Variants in SELPLG observed in about 807,000 individuals in gnomAD.
SELPLG encodes P-selectin glycoprotein ligand 1.
SELPLG carries 2 observed loss-of-function variants against 1.1 expected under a neutral mutation model. That is an observed-to-expected ratio of 1.82 (90% CI 0.74 to 5.71). SELPLG has a LOEUF of 5.71. Ranked by LOEUF, SELPLG falls within the 30% of genes most tolerant of loss-of-function variation. The pLI, the probability that SELPLG is intolerant of heterozygous loss-of-function variation, is 0.05. For missense variants in SELPLG, 478 were observed against 524.7 expected (o/e 0.91, Z 0.87); for synonymous variants, 230 against 221.2 (o/e 1.04, Z -0.35).
At position 108,632,602 on chromosome 12, in the gene SELPLG, C is replaced by G. The variant is rs1004314792; in HGVS notation, c.-6+1138G>C. Reference sequence around the variant, plus strand: ...CAATCTCGGCTTACTGCGACCTCCCCCTCCCAGGTTCAAGTGATCCTCCCA... The same window carrying G: ...CAATCTCGGCTTACTGCGACCTCCCGCTCCCAGGTTCAAGTGATCCTCCCA... On this transcript the variant is annotated intron_variant, in intron 1 of 1. Transcript: ENST00000550948. 2.0e-5 allele frequency among the ~76,000 whole-genome samples: 3 copies of G among 151,966 alleles called. No individual in the cohort carries two copies. In the East Asian group the frequency reaches 5.8e-4, roughly 29 times the overall value.
intron 1 of SELPLG, 66 bp downstream of exon 1, chr12:108,633,674 T>C (rs1205924650): frequency 6.6e-6 from 1 of 152,270 alleles, no homozygotes; most frequent in Non-Finnish European, 1.5e-5. Context: ...CCAGCAGCTA[T>C]AAGGCAGGCC....
At chr12:108,631,236 C>T (rs1471006007) in intron 1 of SELPLG, among the ~76,000 whole-genome samples, 4 of 152,206 alleles carry the variant, frequency 2.6e-5, no homozygotes, top group Admixed American at 6.5e-5. Flanking sequence ...TTTTTTCCCA[C>T]TTATCATCGC....
chr12:108,622,870 G>T lies in SELPLG; in HGVS notation c.*199C>A. ...GGGCTTCATCCGCGGAGGGAGGAAAGAGGTGGCTCCACTTGCCCGTCTGCT... is the reference window on the plus strand; with the variant it reads ...GGGCTTCATCCGCGGAGGGAGGAAATAGGTGGCTCCACTTGCCCGTCTGCT... On this transcript the variant is annotated 3_prime_UTR_variant, in exon 2 of 2. Transcript: ENST00000550948. 1 of 516,538 alleles carries T rather than the reference G, an allele frequency of 1.9e-6. No individual in the cohort carries two copies. The highest frequency in any genetic ancestry group is 3.3e-6 in the Non-Finnish European group (1 of 300,882). The allele number at this position is 516,538 out of a possible 1,614,324, so 32.0% of individuals were successfully genotyped here. A position where few individuals can be genotyped will look rare whatever the true frequency, so the allele number is the denominator to read the frequency against.
intron 1 of SELPLG, among the ~76,000 whole-genome samples, chr12:108,629,088 A>T (rs8179126): frequency 0.011 from 1,693 of 152,306 alleles, 33 homozygotes; most frequent in African/African-American, 0.037. Context: ...CTCAGAGGGT[A>T]TGGAGATGGC....
At chr12:108,624,979 C>T (rs763799933) in intron 1 of SELPLG, among the ~76,000 whole-genome samples, 3 of 151,960 alleles carry the variant, frequency 2.0e-5, no homozygotes, top group Admixed American at 6.6e-5. Context: ...TGAGCCACTG[C>T]GCCCGACCTC....
chr12:108,622,673 G>A lies in SELPLG; in HGVS notation c.*396C>T, dbSNP rs1209151659. ...ATGGCAGTGCAGTGCGTGTGGGATG[G>A]GGGAGCTCCATCTTCCTTGGGTACA... On this transcript the variant is annotated 3_prime_UTR_variant, in exon 2 of 2. Transcript: ENST00000550948. 1 of 197,172 alleles carries A rather than the reference G, an allele frequency of 5.1e-6. No homozygotes were observed. The highest frequency in any genetic ancestry group is 1.2e-4 in the East Asian group (1 of 8,054). The allele number at this position is 197,172 out of a possible 1,614,324, so 12.2% of individuals were successfully genotyped here. A position where few individuals can be genotyped will look rare whatever the true frequency, so the allele number is the denominator to read the frequency against.
rs1309497596 is a variant in SELPLG, at chr12:108,622,298, G to A, written c.*771C>T. 2 of 152,218 alleles carry A rather than the reference G, an allele frequency of 1.3e-5. No individual in the cohort carries two copies. The highest frequency in any genetic ancestry group is 2.1e-4 in the South Asian group (1 of 4,834). 9.4% of individuals were successfully genotyped at this position (152,218 alleles called of 1,614,324 possible). On this transcript the variant is annotated 3_prime_UTR_variant, in exon 2 of 2. Coordinates refer to ENST00000550948, the MANE Select transcript of SELPLG (RefSeq NM_003006.4). ...ATCGTTTGTCCATCACATATTTATT[G>A]CCTGCACTGGACCTGCAGTTGGGAT...
At position 108,624,274 on chromosome 12, in the gene SELPLG, G is replaced by T. The variant is rs1477237895; in HGVS notation, c.34C>A (p.Leu12Met). The T allele has an allele frequency of 6.2e-6, 10 of 1,614,158 alleles. No individual in the cohort carries two copies. Among genetic ancestry groups the T allele is most frequent in the Non-Finnish European group, 8.5e-6 (10 of 1,179,996 alleles). ...PLQLLLLLIL[L>M]GPGNSLQLWD... ...AGCTGCAAGCTGTTGCCAGGGCCCAGTAGGATCAGCAACAGGAGGAGTTGC... is the reference window on the plus strand; with the variant it reads ...AGCTGCAAGCTGTTGCCAGGGCCCATTAGGATCAGCAACAGGAGGAGTTGC... Residue 12 changes from leucine to methionine, a missense_variant, in exon 2 of 2, where the codon CTG becomes ATG. Leu to Met is a conservative substitution (Grantham distance 15). Transcript: ENST00000550948.
chr12:108,623,104 CCTCACGGTCCTCCCTGGGCT>C lies in SELPLG; in HGVS notation c.1184_1203del (p.Glu395GlyfsTer3). On this transcript the variant is annotated frameshift_variant, in exon 2 of 2. Coordinates refer to ENST00000550948, the MANE Select transcript of SELPLG (RefSeq NM_003006.4). LOFTEE classifies it high-confidence loss of function. ...AAGCTGTGCAGGGTGAGGTCATCCC[CCTCACGGTCCTCCCTGGGCT>C]CTGGCGTCAGGCCCGGGCTCTTGGC... 6.5e-7 allele frequency: 1 copy of C among 1,538,720 alleles called. No homozygotes were observed. The highest frequency in any genetic ancestry group is 8.7e-7 in the Non-Finnish European group (1 of 1,144,502).
intron 1 of SELPLG, among the ~76,000 whole-genome samples, chr12:108,632,473 T>C (rs904201154): frequency 1.3e-5 from 2 of 151,772 alleles, no homozygotes; most frequent in Admixed American, 1.3e-4. Context: ...CATTTCCTTT[T>C]AGTGTCCTGA....
chr12:108,625,132 C>T (rs1425392699), intron 1 of SELPLG, among the ~76,000 whole-genome samples: 1 of 152,158 alleles, frequency 6.6e-6, no homozygotes, highest in East Asian at 1.9e-4. Context: ...CACAGACCTC[C>T]CAGATACCGC....
At chr12:108,632,825 AATTATT>A (rs545944078) in intron 1 of SELPLG, among the ~76,000 whole-genome samples, 1 of 151,966 alleles carries the variant, frequency 6.6e-6, no homozygotes, top group African/African-American at 2.4e-5. Flanking sequence ...CAAATATTCT[AATTATT>A]ATTATTATTA....
In SELPLG at chr12:108,624,331, C is replaced by A; in HGVS notation, c.-5-19G>T. 6.2e-7 allele frequency: 1 copy of A among 1,606,548 alleles called. No individual in the cohort carries two copies. The highest frequency in any genetic ancestry group is 1.1e-5 in the South Asian group (1 of 90,366). ...ATGGCACCTAGGAGGAGACAATGGGCGGAGGGATGTCAAGACAGTTTCACC... is the reference window on the plus strand; with the variant it reads ...ATGGCACCTAGGAGGAGACAATGGGAGGAGGGATGTCAAGACAGTTTCACC... On this transcript the variant is annotated intron_variant, in intron 1 of 1. Transcript: ENST00000550948.
chr12:108,628,430 A>G (rs1053907265), intron 1 of SELPLG, among the ~76,000 whole-genome samples: 11 of 151,976 alleles, frequency 7.2e-5, no homozygotes, highest in Admixed American at 2.0e-4. Context: ...ATCTGGGGGA[A>G]GAATCTACGG....
In SELPLG at chr12:108,623,261, G is replaced by T. The variant is rs2031856709; in HGVS notation, c.1047C>A (p.Gly349=). ...VVLAVRLSRK[G]HMYPVRNYSP... ...AGTAATTACGCACGGGGTACATGTG[G>T]CCCTTGCGGGAGAGGCGGACCGCCA... Residue 349 remains glycine, a synonymous_variant, in exon 2 of 2, where the codon GGC becomes GGA. Transcript: ENST00000550948. The T allele has an allele frequency of 6.2e-7, 1 of 1,614,104 alleles. No individual in the cohort carries two copies. Among genetic ancestry groups the T allele is most frequent in the East Asian group, 2.2e-5 (1 of 44,876 alleles).
Position 108,624,179 on chromosome 12 carries a change from G to T in SELPLG, c.129C>A (p.Ala43=). The T allele has an allele frequency of 6.2e-7, 1 of 1,614,196 alleles. No individual in the cohort carries two copies. The highest frequency in any genetic ancestry group is 1.1e-5 in the South Asian group (1 of 91,074). The change falls in exon 2 of 2, where the codon GCC becomes GCA. Residue 43 remains alanine (A), a synonymous_variant. Coordinates refer to ENST00000550948, the MANE Select transcript of SELPLG (RefSeq NM_003006.4). ...CATAATCTAGGTACTCATATTCGGT[G>T]GCCTGTCTCCGGTCCCGGGCAAGCA... The part of the protein sequence containing the change: ...GPLLARDRRQ[A]TEYEYLDYDF...
At chr12:108,625,592 C>T (rs2136763666) in intron 1 of SELPLG, among the ~76,000 whole-genome samples, 1 of 152,338 alleles carries the variant, frequency 6.6e-6, no homozygotes, top group East Asian at 1.9e-4. Flanking sequence ...GCCCTGCTCT[C>T]AGGAAGCTTA....
intron 1 of SELPLG, among the ~76,000 whole-genome samples, chr12:108,629,843 T>A (rs952156644): frequency 6.6e-5 from 10 of 152,120 alleles, no homozygotes; most frequent in African/African-American, 2.2e-4. Flanking sequence ...GCATAATACC[T>A]CCTTAATATT....
chr12:108,633,311 G>A (rs1307482502), intron 1 of SELPLG, among the ~76,000 whole-genome samples: 1 of 152,070 alleles, frequency 6.6e-6, no homozygotes, highest in Admixed American at 6.5e-5. Context: ...GACCAGCCTC[G>A]GCATCAAAGT....
Sources: gnomAD v4.1 joint callset for allele counts (sites outside exome capture counted in the v4.1 genomes callset) on GRCh38, gnomAD v4.1.1 for gene constraint, MANE v1.5 for transcripts, NCBI Gene and HGNC (gene_info 2026-07-23, HGNC 2026-07-21) for gene names.